Variants in INTU observed in about 807,000 individuals in gnomAD.
The protein encoded by INTU is protein inturned.
Under a neutral mutation model 100.5 loss-of-function variants are expected in INTU, and 68 were observed. The ratio of observed to expected loss-of-function variants is 0.68; its 90% CI spans 0.56 to 0.83. The LOEUF is 0.83. Among genes scored for constraint, INTU ranks in the 40% least tolerant of loss-of-function variants. INTU has a pLI of 0.00. For synonymous variants in INTU, 357 were observed against 395.7 expected (o/e 0.90, Z 1.16); for missense variants, 1,071 against 1,114.7 (o/e 0.96, Z 0.56).
rs1206014390 is a variant in INTU at position 127,652,897 on chromosome 4, G to A, written c.683-3739G>A. Among the ~76,000 whole-genome samples the A allele has an allele frequency of 7.0e-4, 98 of 140,652 alleles. 1 individual carries two copies. The highest frequency in any genetic ancestry group is 1.2e-3 in the Non-Finnish European group (80 of 65,424). 92.3% of individuals were successfully genotyped at this position (140,652 alleles called of 152,430 possible). Reference sequence around the variant, plus strand: ...ACTATTGATTATTGCCACAATTTCAGCTCCTGTTATTGGTCTATTCAGAGA... The same window carrying A: ...ACTATTGATTATTGCCACAATTTCAACTCCTGTTATTGGTCTATTCAGAGA... On this transcript the variant is annotated intron_variant, in intron 2 of 15. Transcript: ENST00000335251.
intron 8 of INTU, among the ~76,000 whole-genome samples, chr4:127,691,460 G>A (rs534085524): frequency 7.9e-5 from 12 of 152,074 alleles, no homozygotes; most frequent in Non-Finnish European, 1.5e-5. Flanking sequence ...TCATTCTACT[G>A]TGTGTCTAGT....
At chr4:127,656,374 A>G (rs1338840267) in intron 2 of INTU, among the ~76,000 whole-genome samples, 1 of 152,208 alleles carries the variant, frequency 6.6e-6, no homozygotes, top group Non-Finnish European at 1.5e-5. Context: ...TCAAGAATAA[A>G]AATAGTTATT....
intron 15 of INTU, among the ~76,000 whole-genome samples, 160 bp downstream of exon 15, chr4:127,714,253 C>T (rs1374823237): frequency 1.3e-5 from 2 of 152,034 alleles, no homozygotes; most frequent in Non-Finnish European, 2.9e-5. Flanking sequence ...CTTTAAATCC[C>T]TCCCAAGTAT....
chr4:127,709,341 A>G (rs1019534371), intron 13 of INTU, among the ~76,000 whole-genome samples: 1 of 151,166 alleles, frequency 6.6e-6, no homozygotes, highest in African/African-American at 2.4e-5. Context: ...ACACCCCTAC[A>G]GCTGTTTTTC....
intron 3 of INTU, among the ~76,000 whole-genome samples, chr4:127,662,944 G>A (rs547325824): frequency 5.3e-5 from 8 of 152,132 alleles, no homozygotes; most frequent in Admixed American, 3.9e-4. Flanking sequence ...AACTTTGGTT[G>A]TGTGAAGTCA....
Position 127,709,010 on chromosome 4 carries a change from T to C in INTU, c.2369+342T>C, listed in dbSNP as rs150914979. Among the ~76,000 whole-genome samples the C allele has an allele frequency of 1.6e-3, 238 of 152,274 alleles. 1 individual carries two copies. The highest frequency in any genetic ancestry group is 5.5e-3 in the African/African-American group (228 of 41,572). ...TGGATGCAGTGGTGTGCTGTCCAGT[T>C]ACACCTTAGCTCAGGGTATTCCTTT... On this transcript the variant is annotated intron_variant, in intron 13 of 15. Transcript: ENST00000335251.
At chr4:127,708,121 A>T (rs1329109794) in intron 12 of INTU, among the ~76,000 whole-genome samples, 1 of 152,218 alleles carries the variant, frequency 6.6e-6, no homozygotes, top group Non-Finnish European at 1.5e-5. Flanking sequence ...AAAGATTTGG[A>T]CAGATTAAAG....
rs371905524 is a variant in INTU at position 127,705,831 on chromosome 4, C to A, written c.1788+19C>A. ...TGGCTTGGTAAGTTTACCTCAGCTT[C>A]TTTCTTAGGATTTTTCTTCTTTTCT... On this transcript the variant is annotated intron_variant, in intron 11 of 15. Coordinates refer to ENST00000335251, the MANE Select transcript of INTU (RefSeq NM_015693.4). 1.7e-5 allele frequency: 27 copies of A among 1,585,312 alleles called. No individual in the cohort carries two copies. The African/African-American group carries it at 3.3e-4, about 19-fold the overall frequency.
chr4:127,716,890 G>C lies in INTU; in HGVS notation c.*454G>C, dbSNP rs775114671. 1 of 152,226 alleles carries C rather than the reference G, an allele frequency of 6.6e-6. No homozygotes were observed. Among genetic ancestry groups the C allele is most frequent in the Non-Finnish European group, 1.5e-5 (1 of 68,062 alleles). The allele number at this position is 152,226 out of a possible 1,614,324, so 9.4% of individuals were successfully genotyped here. ...TAACTAAGTAGTGCTATGACCATGA[G>C]CAAGTTTTTGTACCTCTCTAAGCTC... On this transcript the variant is annotated 3_prime_UTR_variant, in exon 16 of 16. Transcript: ENST00000335251.
chr4:127,666,283 A>G (rs1253863607), intron 4 of INTU, among the ~76,000 whole-genome samples: 1 of 152,090 alleles, frequency 6.6e-6, no homozygotes, highest in Non-Finnish European at 1.5e-5. Context: ...ACTAGATTCT[A>G]CTAGCTCTAG....
intron 2 of INTU, among the ~76,000 whole-genome samples, chr4:127,651,609 T>C (rs1296630722): frequency 6.6e-6 from 1 of 152,190 alleles, no homozygotes; most frequent in African/African-American, 2.4e-5. Context: ...CCATGCTGTT[T>C]TGGTTACTGT....
At chr4:127,667,665 A>G (rs573469074) in intron 4 of INTU, among the ~76,000 whole-genome samples, 1 of 152,232 alleles carries the variant, frequency 6.6e-6, no homozygotes, top group South Asian at 2.1e-4. Flanking sequence ...TTTATTGGCC[A>G]AGATTTAAAT....
At chr4:127,705,144 T>C (rs2148730847) in intron 10 of INTU, among the ~76,000 whole-genome samples, 1 of 152,288 alleles carries the variant, frequency 6.6e-6, no homozygotes, top group South Asian at 2.1e-4. Flanking sequence ...AACATTTAGT[T>C]CATGTCCATG....
chr4:127,634,450 T>C (rs1294741629), intron 1 of INTU, among the ~76,000 whole-genome samples: 1 of 152,192 alleles, frequency 6.6e-6, no homozygotes, highest in Non-Finnish European at 1.5e-5. Context: ...AGTGTGAGAA[T>C]TCAAGACGCC....
chr4:127,683,911 T>C (rs1246222180), intron 6 of INTU: 21 of 152,264 alleles, frequency 1.4e-4, no homozygotes, highest in Admixed American at 1.3e-3. Context: ...GTAAGTCCAT[T>C]TCTTTATTTC....
intron 6 of INTU, among the ~76,000 whole-genome samples, chr4:127,681,284 C>T (rs915507069): frequency 8.5e-5 from 13 of 152,080 alleles, no homozygotes; most frequent in African/African-American, 2.9e-4. Context: ...AAAAAGAGGC[C>T]GCATCGCCAA....
At chr4:127,655,620 C>T (rs1298373181) in intron 2 of INTU, among the ~76,000 whole-genome samples, 1 of 151,308 alleles carries the variant, frequency 6.6e-6, no homozygotes, top group Admixed American at 6.6e-5. Flanking sequence ...CCACTGCTCT[C>T]TTCAAAGCTG....
chr4:127,651,505 G>C (rs1222969081), intron 2 of INTU, among the ~76,000 whole-genome samples: 1 of 152,146 alleles, frequency 6.6e-6, no homozygotes, highest in East Asian at 1.9e-4. Flanking sequence ...TTTTTCTCAG[G>C]TTTGTCAAAG....
intron 3 of INTU, among the ~76,000 whole-genome samples, chr4:127,661,695 C>T (rs1200714531): frequency 6.6e-6 from 1 of 152,138 alleles, no homozygotes; most frequent in Non-Finnish European, 1.5e-5. Flanking sequence ...CAGGAATTCC[C>T]CAAAGAGTTC....
Sources: allele counts gnomAD v4.1 joint callset (sites outside exome capture counted in the v4.1 genomes callset), GRCh38; gene constraint gnomAD v4.1.1; transcripts MANE v1.5; gene names NCBI Gene and HGNC (gene_info 2026-07-23, HGNC 2026-07-21).